Variants in RPUSD3 observed in about 807,000 individuals in gnomAD.
The protein encoded by RPUSD3 is mitochondrial mRNA pseudouridine synthase RPUSD3.
Under a neutral mutation model 35.1 loss-of-function variants are expected in RPUSD3, and 36 were observed. The ratio of observed to expected loss-of-function variants is 1.02; its 90% CI spans 0.79 to 1.35. The LOEUF (loss-of-function observed/expected upper bound fraction) is 1.35, where lower values mean the gene tolerates loss of function less well. RPUSD3 is among the 40% of genes most tolerant of loss of function. The probability of loss-of-function intolerance (pLI) is 0.00; values close to 1 mark genes in which losing one functional copy is unlikely to be tolerated. For missense variants in RPUSD3, 486 were observed against 441.9 expected (o/e 1.10, Z -0.89); for synonymous variants, 202 against 187.8 (o/e 1.08, Z -0.62).
chr3:9,841,019 C>T (rs371009898), intron 4 of RPUSD3: 9 of 397,720 alleles, frequency 2.3e-5, no homozygotes, highest in Admixed American at 4.4e-5. Context: ...CCCCAGGGAA[C>T]TCAGAGCCAA....
chr3:9,839,538 A>T (rs1233432833), intron 7 of RPUSD3: 1 of 166,308 alleles, frequency 6.0e-6, no homozygotes, highest in Admixed American at 6.3e-5. Flanking sequence ...GCTGCTGCTG[A>T]TACCACTGTC....
chr3:9,843,849 C>T (rs1381268037), intron 1 of RPUSD3, 41 bp downstream of exon 1: 1 of 1,573,158 alleles, frequency 6.4e-7, no homozygotes, highest in Middle Eastern at 1.7e-4. Context: ...TTCCCCCTGC[C>T]CTAGCCTCCG....
exon 7 of RPUSD3, chr3:9,840,185 T>C: frequency 6.2e-7 from 1 of 1,611,876 alleles, no homozygotes; most frequent in Non-Finnish European, 8.5e-7. Flanking sequence ...CAGACCTACC[T>C]GTCAGTGGCT....
chr3:9,843,117 C>G (rs2082126667), intron 2 of RPUSD3: 1 of 239,382 alleles, frequency 4.2e-6, no homozygotes, highest in Non-Finnish European at 8.3e-6. Context: ...GTCTCGAACT[C>G]CTGACCTCAG....
At chr3:9,840,770 G>T in exon 5 of RPUSD3, 1 of 1,613,974 alleles carries the variant, frequency 6.2e-7, no homozygotes. Context: ...AGCTGTCTGG[G>T]GACAGCTGGA....
chr3:9,838,278 A>G, intron 8 of RPUSD3, 71 bp from the exon 9 acceptor site: 1 of 1,504,472 alleles, frequency 6.6e-7, no homozygotes, highest in Non-Finnish European at 9.1e-7. Flanking sequence ...CTCTAAGGGA[A>G]ATGGGAGTAA....
At chr3:9,840,865 A>C in intron 4 of RPUSD3, 60 bp from the exon 5 acceptor site, 2 of 1,341,186 alleles carry the variant, frequency 1.5e-6, no homozygotes, top group Non-Finnish European at 2.1e-6. Context: ...ACTAAAAAGG[A>C]AACTCTTAGG....
exon 9 of RPUSD3, chr3:9,837,883 A>G: frequency 1.1e-6 from 1 of 884,994 alleles, no homozygotes; most frequent in Non-Finnish European, 1.7e-6. Context: ...AAGTCCAGAG[A>G]GGTAAAGTTA....
rs988606107 is a variant in RPUSD3, at chr3:9,837,983, G to C, written c.*33C>G. ...GCAGAGCCCCCACCCTCACTTTCCA[G>C]TGTGTGTGAGGGGGTCAGGAACAGA... On this transcript the variant is annotated 3_prime_UTR_variant, in exon 9 of 9. Transcript: ENST00000383820. 3.9e-6 allele frequency: 6 copies of C among 1,519,382 alleles called. No homozygotes were observed. The African/African-American group carries it at 4.1e-5, about 10-fold the overall frequency. The allele number at this position is 1,519,382 out of a possible 1,614,324, so 94.1% of individuals were successfully genotyped here.
intron 7 of RPUSD3, 125 bp from the exon 8 acceptor site, chr3:9,839,296 G>T: frequency 9.0e-7 from 1 of 1,106,466 alleles, no homozygotes; most frequent in Non-Finnish European, 1.3e-6. Flanking sequence ...TTTCAGTGAG[G>T]TCAGTACTAT....
exon 9 of RPUSD3, chr3:9,837,875 G>T: frequency 1.2e-6 from 1 of 830,494 alleles, no homozygotes; most frequent in Non-Finnish European, 1.8e-6. Flanking sequence ...ATTATCACAA[G>T]TCCAGAGAGG....
At chr3:9,841,028 A>C (rs1241869287) in intron 4 of RPUSD3, 1 of 380,076 alleles carries the variant, frequency 2.6e-6, no homozygotes, top group Non-Finnish European at 4.7e-6. Context: ...ACTCAGAGCC[A>C]AATGTCGTAA....
chr3:9,839,117 C>G, exon 8 of RPUSD3: 2 of 1,614,152 alleles, frequency 1.2e-6, no homozygotes, highest in Non-Finnish European at 1.7e-6. Flanking sequence ...CATGTGGTCC[C>G]CAAGCACAGG....
intron 8 of RPUSD3, 142 bp from the exon 9 acceptor site, chr3:9,838,349 C>G (rs1290607974): frequency 2.6e-6 from 2 of 772,874 alleles, no homozygotes; most frequent in Non-Finnish European, 4.2e-6. Context: ...TCTTTGCACA[C>G]AGATGTGCAC....
At chr3:9,843,310 G>T in intron 2 of RPUSD3, 155 bp downstream of exon 2, 1 of 1,014,746 alleles carries the variant, frequency 9.9e-7, no homozygotes, top group Non-Finnish European at 1.5e-6. Flanking sequence ...AGGGTTAAAA[G>T]CGGGGAGAGG....
exon 9 of RPUSD3, chr3:9,838,169 G>C (rs749727762): frequency 6.2e-7 from 1 of 1,612,148 alleles, no homozygotes; most frequent in Non-Finnish European, 8.5e-7. Flanking sequence ...CCTGGGAGGG[G>C]GTCAGGTGGA....
intron 2 of RPUSD3, chr3:9,842,709 A>T (rs2082121137): frequency 5.3e-6 from 1 of 189,510 alleles, no homozygotes; most frequent in Non-Finnish European, 1.1e-5. Flanking sequence ...GCCTGCCTAG[A>T]ACAGTGCCTG....
At chr3:9,840,961 T>G (rs2082094739) in intron 4 of RPUSD3, 156 bp from the exon 5 acceptor site, 1 of 566,484 alleles carries the variant, frequency 1.8e-6, no homozygotes, top group Admixed American at 3.2e-5. Flanking sequence ...TTCCCCTTCT[T>G]TGATAACAAG....
intron 7 of RPUSD3, 198 bp downstream of exon 7, chr3:9,839,986 T>G: frequency 1.8e-6 from 1 of 543,076 alleles, no homozygotes; most frequent in Admixed American, 3.4e-5. Flanking sequence ...GTTCAAGCGA[T>G]TCTCCTGCCT....
Sources: gnomAD v4.1 joint callset for allele counts on GRCh38, gnomAD v4.1.1 for gene constraint, MANE v1.5 for transcripts, NCBI Gene and HGNC (gene_info 2026-07-23, HGNC 2026-07-21) for gene names.